Variants in PTPRD observed in about 807,000 individuals in gnomAD.
The protein encoded by PTPRD is protein tyrosine phosphatase receptor type D.
Under a neutral mutation model 214.5 loss-of-function variants are expected in PTPRD, and 34 were observed. The ratio of observed to expected loss-of-function variants is 0.16; its 90% CI spans 0.12 to 0.21. PTPRD has a LOEUF of 0.21. Ranked by LOEUF, PTPRD falls within the 10% of genes least tolerant of loss-of-function variation. The pLI, the probability that PTPRD is intolerant of heterozygous loss-of-function variation, is 1.00. For synonymous variants in PTPRD, 1,128 were observed against 845.7 expected, an observed-to-expected ratio of 1.33 and a Z score of -5.79; for missense variants, 2,545 against 2,398.7, an observed-to-expected ratio of 1.06 and a Z score of -1.27.
At chr9:9,890,334 C>CTACAAGTGT (rs1308453757) in intron 5 of PTPRD, among the ~76,000 whole-genome samples, 1 of 151,682 alleles carries the variant, frequency 6.6e-6, no homozygotes, top group African/African-American at 2.4e-5. Context: ...ATACCTGTAA[C>CTACAAGTGT]TACAAGTGTT....
intron 7 of PTPRD, among the ~76,000 whole-genome samples, chr9:9,728,349 C>T (rs2098128470): frequency 6.6e-6 from 1 of 152,120 alleles, no homozygotes; most frequent in African/African-American, 2.4e-5. Flanking sequence ...GTGCCTCCTT[C>T]CTTAGTGATA....
chr9:9,260,760 G>A (rs10114102), intron 9 of PTPRD, among the ~76,000 whole-genome samples: 1 of 151,532 alleles, frequency 6.6e-6, no homozygotes, highest in Admixed American at 6.6e-5. Context: ...AATGGTAGAC[G>A]ACACTTTTCA....
intron 33 of PTPRD, among the ~76,000 whole-genome samples, chr9:8,458,722 A>G (rs2096286714): frequency 6.6e-6 from 1 of 152,038 alleles, no homozygotes; most frequent in South Asian, 2.1e-4. Context: ...TATCTCTTAC[A>G]TGGAGAGAGG....
chr9:9,186,764 C>T (rs1024190821), intron 9 of PTPRD, among the ~76,000 whole-genome samples: 1 of 151,822 alleles, frequency 6.6e-6, no homozygotes, highest in Non-Finnish European at 1.5e-5. Flanking sequence ...CCCAGTTTTC[C>T]ACCTTCACAG....
intron 35 of PTPRD, among the ~76,000 whole-genome samples, chr9:8,422,430 GTGTT>G (rs1209561936): frequency 2.0e-5 from 3 of 152,064 alleles, no homozygotes. Flanking sequence ...ACATTTTTAT[GTGTT>G]TGTTTTTATC....
At chr9:10,106,552 CA>C (rs2098634958) in intron 3 of PTPRD, among the ~76,000 whole-genome samples, 1 of 151,580 alleles carries the variant, frequency 6.6e-6, no homozygotes, top group African/African-American at 2.4e-5. Context: ...CAAAATGAAA[CA>C]AAACAAAAGT....
intron 9 of PTPRD, among the ~76,000 whole-genome samples, chr9:9,358,214 A>AT (rs1399920034): frequency 9.3e-5 from 14 of 151,296 alleles, no homozygotes; most frequent in African/African-American, 1.4e-4. Flanking sequence ...TATATAGGCA[A>AT]TTTTTTCTTA....
chr9:8,877,460 C>T (rs143574501), intron 11 of PTPRD, among the ~76,000 whole-genome samples: 10 of 151,944 alleles, frequency 6.6e-5, no homozygotes, highest in East Asian at 1.9e-4. Flanking sequence ...ACTTTCATAC[C>T]GTGAAGGAAT....
Position 8,559,344 on chromosome 9 carries a change from T to A in PTPRD, c.353-30565A>T, listed in dbSNP as rs1020839832. 2.6e-5 allele frequency among the ~76,000 whole-genome samples: 4 copies of A among 152,208 alleles called. No individual in the cohort carries two copies. The East Asian group carries it at 7.7e-4, about 29-fold the overall frequency. On this transcript the variant is annotated intron_variant, in intron 14 of 45. Transcript: ENST00000381196. ...TTTTATTGTACATTATATACAGATA[T>A]CGAAATATCACATATACCTCTCAAA...
intron 14 of PTPRD, among the ~76,000 whole-genome samples, chr9:8,575,170 T>A (rs1394681104): frequency 6.6e-6 from 1 of 152,080 alleles, no homozygotes; most frequent in Non-Finnish European, 1.5e-5. Flanking sequence ...TTAAAGTTGG[T>A]GATTATATAT....
At chr9:9,950,105 G>A (rs1380214265) in intron 4 of PTPRD, among the ~76,000 whole-genome samples, 7 of 152,030 alleles carry the variant, frequency 4.6e-5, no homozygotes, top group Non-Finnish European at 1.0e-4. Context: ...AGGTTTCCCT[G>A]GCCTTGTTTT....
chr9:8,578,631 C>A (rs2092726035), intron 14 of PTPRD, among the ~76,000 whole-genome samples: 1 of 152,124 alleles, frequency 6.6e-6, no homozygotes, highest in African/African-American at 2.4e-5. Context: ...GCAACAGGAT[C>A]CGCCCACACT....
At chr9:8,973,481 T>C (rs1392893265) in intron 11 of PTPRD, among the ~76,000 whole-genome samples, 1 of 152,084 alleles carries the variant, frequency 6.6e-6, no homozygotes, top group Admixed American at 6.6e-5. Flanking sequence ...GGTACCTAGG[T>C]TGATTCCATG....
intron 6 of PTPRD, among the ~76,000 whole-genome samples, chr9:9,738,433 C>A (rs2154447944): frequency 8.3e-6 from 1 of 120,958 alleles, no homozygotes; most frequent in Non-Finnish European, 1.6e-5. Context: ...ATTCTTCACT[C>A]ACTCACTTTT....
rs754408997 is a variant in PTPRD, at chr9:8,340,445, G to A, written c.5151C>T (p.Thr1717=). The A allele has an allele frequency of 3.1e-6, 5 of 1,603,336 alleles. No individual in the cohort carries two copies. Among genetic ancestry groups the A allele is most frequent in the Non-Finnish European group, 4.3e-6 (5 of 1,172,424 alleles). ...GYRQQKAYIA[T]QGPLAETTED... is the part of the protein sequence containing the mutation. ...CAGTGGTCTCTGCCAAGGGCCCCTG[G>A]GTAGCGATGTAGGCTTTCTGTTGTC... The change falls in exon 42 of 46, where the codon ACC becomes ACT. Residue 1717 remains threonine, a synonymous_variant. Coordinates refer to ENST00000381196, the MANE Select transcript of PTPRD (RefSeq NM_002839.4).
intron 7 of PTPRD, among the ~76,000 whole-genome samples, chr9:9,599,196 G>T (rs757946540): frequency 5.3e-5 from 8 of 151,904 alleles, no homozygotes; most frequent in Admixed American, 3.3e-4. Context: ...TACATGCTAG[G>T]CACAATGCTA....
chr9:9,865,687 T>C (rs1304736428), intron 5 of PTPRD, among the ~76,000 whole-genome samples: 7 of 152,226 alleles, frequency 4.6e-5, no homozygotes, highest in African/African-American at 1.4e-4. Flanking sequence ...ACCATCAAGA[T>C]CATCAGTTGG....
At chr9:9,947,348 T>TATATATATA (rs1291958267) in intron 4 of PTPRD, among the ~76,000 whole-genome samples, 1 of 47,980 alleles carries the variant, frequency 2.1e-5, no homozygotes, top group Non-Finnish European at 3.1e-5. Context: ...ATATATATAA[T>TATATATATA]ATATATTATA....
chr9:8,802,059 A>G (rs575760024), intron 11 of PTPRD, among the ~76,000 whole-genome samples: 3 of 152,282 alleles, frequency 2.0e-5, no homozygotes, highest in East Asian at 3.9e-4. Flanking sequence ...ATATCACCAC[A>G]TAACTGGAGT....
Sources: gnomAD v4.1 joint callset for allele counts (sites outside exome capture counted in the v4.1 genomes callset) on GRCh38, gnomAD v4.1.1 for gene constraint, MANE v1.5 for transcripts, NCBI Gene and HGNC (gene_info 2026-07-23, HGNC 2026-07-21) for gene names.